Variants in PRRG1 observed in about 807,000 individuals in gnomAD.
The protein encoded by PRRG1 is transmembrane gamma-carboxyglutamic acid protein 1.
Under a neutral mutation model 11.8 loss-of-function variants are expected in PRRG1, and 5 were observed. That is an observed-to-expected ratio of 0.42 (90% CI 0.22 to 0.89). PRRG1 has a LOEUF of 0.89. PRRG1 is among the 40% of genes least tolerant of loss of function. The pLI, the probability that PRRG1 is intolerant of heterozygous loss-of-function variation, is 0.28. For synonymous variants in PRRG1, 66 were observed against 60.4 expected (o/e 1.09, Z -0.43); for missense variants, 155 against 166.1 (o/e 0.93, Z 0.37).
intron 1 of PRRG1, among the ~76,000 whole-genome samples, chrX:37,395,987 G>T (rs1931701359): frequency 8.9e-6 from 1 of 111,921 alleles, no homozygotes; most frequent in East Asian, 2.8e-4. Flanking sequence ...TATAAAGTCA[G>T]TCTGGATCTC....
intron 1 of PRRG1, among the ~76,000 whole-genome samples, chrX:37,386,057 C>G (rs1188915968): frequency 8.9e-6 from 1 of 111,842 alleles, no homozygotes; most frequent in Non-Finnish European, 1.9e-5. Context: ...CTACTGGTGC[C>G]CAGCCCAAGA....
At chrX:37,364,224 C>A (rs1556368485) in intron 1 of PRRG1, among the ~76,000 whole-genome samples, 1 of 110,607 alleles carries the variant, frequency 9.0e-6, no homozygotes, top group African/African-American at 3.3e-5. Flanking sequence ...CTTTTTTTTG[C>A]TTTTCTGTTA....
chrX:37,396,575 T>C (rs1931720891), intron 1 of PRRG1, among the ~76,000 whole-genome samples: 1 of 111,651 alleles, frequency 9.0e-6, no homozygotes, highest in African/African-American at 3.3e-5. Context: ...CTCCTTGCCT[T>C]CTGCCATGAT....
In PRRG1 at chrX:37,380,567, G is replaced by A. The variant is rs568500776; in HGVS notation, c.-41-25642G>A. Among the ~76,000 whole-genome samples, 101 of 111,154 alleles carry A rather than the reference G, an allele frequency of 9.1e-4. 1 individual carries two copies. In the South Asian group the frequency reaches 0.038, roughly 41 times the overall value. On this transcript the variant is annotated intron_variant, in intron 1 of 3. Transcript: ENST00000378628. ...TTTAATGAGCAGATCAAGTAAAATG[G>A]TATGAATGTGCTTGATGTAGAGCTG... is the stretch of plus-strand genomic sequence containing the variant.
intron 3 of PRRG1, among the ~76,000 whole-genome samples, chrX:37,439,479 C>T (rs1932935232): frequency 8.9e-6 from 1 of 111,972 alleles, no homozygotes; most frequent in African/African-American, 3.3e-5. Context: ...CCCATGTTCT[C>T]ATTACAGCAT....
At position 37,456,003 on chromosome X, in the gene PRRG1, A is replaced by C. The variant is rs1921344120; in HGVS notation, c.*2382A>C. ...ACATTGTCTTTTCACTCTATCTCAA[A>C]AAAAGTGTTGCAAATGTAAAACATT... On this transcript the variant is annotated 3_prime_UTR_variant, in exon 4 of 4. Coordinates refer to ENST00000378628, the MANE Select transcript of PRRG1 (RefSeq NM_001142395.2). 8.9e-6 allele frequency: 1 copy of C among 112,422 alleles called. No homozygotes were observed. The highest frequency in any genetic ancestry group is 3.7e-4 in the South Asian group (1 of 2,723). The allele number at this position is 112,422 out of a possible 1,213,427, so 9.3% of individuals were successfully genotyped here. A position where few individuals can be genotyped will look rare whatever the true frequency, so the allele number is the denominator to read the frequency against.
chrX:37,366,527 C>T (rs952098879), intron 1 of PRRG1, among the ~76,000 whole-genome samples: 1 of 111,915 alleles, frequency 8.9e-6, no homozygotes, highest in African/African-American at 3.3e-5. Flanking sequence ...ATTTAGCTTT[C>T]GATGTCTGTG....
At position 37,453,826 on chromosome X, in the gene PRRG1, G is replaced by A. The variant is rs1413749151; in HGVS notation, c.*205G>A. On this transcript the variant is annotated 3_prime_UTR_variant, in exon 4 of 4. Transcript: ENST00000378628. ...ATTTTTGCTAGGGGAAATATATGAAGAGGGAAAACATACTAATGGGGGTCT... is the reference window on the plus strand; with the variant it reads ...ATTTTTGCTAGGGGAAATATATGAAAAGGGAAAACATACTAATGGGGGTCT... 2 of 413,652 alleles carry A rather than the reference G, an allele frequency of 4.8e-6. No individual in the cohort carries two copies. The highest frequency in any genetic ancestry group is 5.1e-5 in the African/African-American group (2 of 39,466). The allele number at this position is 413,652 out of a possible 1,213,427, so 34.1% of individuals were successfully genotyped here.
chrX:37,437,310 G>T (rs1163468460), intron 3 of PRRG1, among the ~76,000 whole-genome samples: 1 of 110,933 alleles, frequency 9.0e-6, no homozygotes, highest in African/African-American at 3.3e-5. Flanking sequence ...CAGGGCGGGG[G>T]GGGAGGTGCT....
chrX:37,439,793 C>CTTTTTTTTTTTT (rs36010783), intron 3 of PRRG1, among the ~76,000 whole-genome samples: 1 of 74,018 alleles, frequency 1.4e-5, no homozygotes, highest in African/African-American at 5.8e-5. Context: ...CTTTAAAATT[C>CTTTTTTTTTTTT]TTTTTTTTTT....
intron 1 of PRRG1, chrX:37,403,645 T>TAATAAAATAAAATAAAATAAAATAA (rs782729817): frequency 2.4e-6 from 1 of 420,075 alleles, no homozygotes; most frequent in African/African-American, 3.1e-5. Flanking sequence ...TAAAATAAAA[T>TAATAAAATAAAATAAAATAAAATAA]AATAAAATAA....
intron 3 of PRRG1, among the ~76,000 whole-genome samples, chrX:37,433,241 A>G (rs1187756576): frequency 1.8e-5 from 2 of 111,464 alleles, no homozygotes; most frequent in African/African-American, 6.5e-5. Context: ...GGTACTACAC[A>G]ATCAGTCCTC....
chrX:37,432,303 G>A (rs375263769), intron 3 of PRRG1, among the ~76,000 whole-genome samples: 1 of 97,773 alleles, frequency 1.0e-5, no homozygotes, highest in Non-Finnish European at 1.9e-5. Flanking sequence ...AGCCAGGATG[G>A]TCTCGATCTC....
At chrX:37,424,827 T>C (rs782384649) in intron 2 of PRRG1, among the ~76,000 whole-genome samples, 19 of 111,740 alleles carry the variant, frequency 1.7e-4, no homozygotes, top group Non-Finnish European at 3.4e-4. Context: ...CATTGCTGGC[T>C]GTCATTGTCA....
At chrX:37,406,844 C>T (rs2084639955) in intron 2 of PRRG1, among the ~76,000 whole-genome samples, 1 of 111,408 alleles carries the variant, frequency 9.0e-6, no homozygotes, top group African/African-American at 3.3e-5. Flanking sequence ...GCAGCCACCA[C>T]AGGGACTTCA....
In PRRG1 at chrX:37,379,949, C is replaced by T. The variant is rs186903289; in HGVS notation, c.-41-26260C>T. Among the ~76,000 whole-genome samples the T allele has an allele frequency of 9.0e-5, 10 of 111,056 alleles. No individual in the cohort carries two copies. In the East Asian group the frequency reaches 2.3e-3, roughly 25 times the overall value. On this transcript the variant is annotated intron_variant, in intron 1 of 3. Transcript: ENST00000378628. ...TACACACAGAAAATGGGGGAGCAAA[C>T]GAAAATGAGTACTACAGATTTGAAT...
intron 1 of PRRG1, among the ~76,000 whole-genome samples, chrX:37,395,816 G>A (rs919432203): frequency 9.0e-6 from 1 of 111,332 alleles, no homozygotes; most frequent in Non-Finnish European, 1.9e-5. Flanking sequence ...AAATTTTAGT[G>A]CATCTAATAA....
At chrX:37,377,069 A>G (rs1167380263) in intron 1 of PRRG1, among the ~76,000 whole-genome samples, 14 of 111,357 alleles carry the variant, frequency 1.3e-4, no homozygotes, top group Admixed American at 1.2e-3. Flanking sequence ...CGTTTTGTTT[A>G]TCTCGGAAAT....
chrX:37,433,659 G>C (rs1447020722), intron 3 of PRRG1, among the ~76,000 whole-genome samples: 1 of 110,837 alleles, frequency 9.0e-6, no homozygotes, highest in East Asian at 2.8e-4. Flanking sequence ...CATAGCTATG[G>C]TCCCTAGCAT....
Sources: allele counts gnomAD v4.1 joint callset (sites outside exome capture counted in the v4.1 genomes callset), GRCh38; gene constraint gnomAD v4.1.1; transcripts MANE v1.5; gene names NCBI Gene and HGNC (gene_info 2026-07-23, HGNC 2026-07-21).